Variants in CTNNBL1 observed in about 807,000 individuals in gnomAD.
CTNNBL1 encodes the protein beta-catenin-like protein 1.
CTNNBL1 carries 31 observed loss-of-function variants against 72.7 expected under a neutral mutation model. The ratio of observed to expected loss-of-function variants is 0.43; its 90% CI spans 0.32 to 0.58. The LOEUF is 0.58. Ranked by LOEUF, CTNNBL1 falls within the 20% of genes least tolerant of loss-of-function variation. CTNNBL1 has a pLI of 0.08. For missense variants in CTNNBL1, 534 were observed against 725.1 expected (o/e 0.74, Z 3.03); for synonymous variants, 240 against 267.3 (o/e 0.90, Z 1.00).
intron 13 of CTNNBL1, among the ~76,000 whole-genome samples, chr20:37,846,365 T>C (rs976278425): frequency 6.6e-6 from 1 of 151,720 alleles, no homozygotes; most frequent in Admixed American, 6.6e-5. Flanking sequence ...GCGTGGGCTT[T>C]ATAGCCAGGC....
At chr20:37,822,701 C>T (rs1381147017) in intron 11 of CTNNBL1, among the ~76,000 whole-genome samples, 2 of 152,222 alleles carry the variant, frequency 1.3e-5, no homozygotes, top group African/African-American at 4.8e-5. Flanking sequence ...CAAAGACTCT[C>T]TGGCTCTCAG....
chr20:37,798,944 C>T (rs1426371982), intron 10 of CTNNBL1, among the ~76,000 whole-genome samples: 1 of 152,124 alleles, frequency 6.6e-6, no homozygotes, highest in African/African-American at 2.4e-5. Context: ...TTTATAAATT[C>T]AAGCTTGTAA....
At chr20:37,741,947 A>G (rs997339175) in intron 3 of CTNNBL1, among the ~76,000 whole-genome samples, 4 of 151,754 alleles carry the variant, frequency 2.6e-5, no homozygotes, top group African/African-American at 9.7e-5. Context: ...GTTGGAAGGA[A>G]CTGAGAAGCA....
chr20:37,776,644 CT>C (rs2073576237), intron 7 of CTNNBL1, among the ~76,000 whole-genome samples: 1 of 152,138 alleles, frequency 6.6e-6, no homozygotes, highest in South Asian at 2.1e-4. Flanking sequence ...CGAAGCAACA[CT>C]GAGGACAGCC....
At chr20:37,778,947 T>C (rs2073600322) in intron 9 of CTNNBL1, among the ~76,000 whole-genome samples, 1 of 152,172 alleles carries the variant, frequency 6.6e-6, no homozygotes, top group Non-Finnish European at 1.5e-5. Flanking sequence ...TGCCTGGAAC[T>C]GTCAATTACT....
chr20:37,842,583 C>T (rs899604814), intron 13 of CTNNBL1, among the ~76,000 whole-genome samples, 164 bp downstream of exon 13: 2 of 152,182 alleles, frequency 1.3e-5, no homozygotes, highest in Non-Finnish European at 2.9e-5. Flanking sequence ...GACTGCTCTT[C>T]TGACACGAAT....
intron 11 of CTNNBL1, among the ~76,000 whole-genome samples, chr20:37,820,785 C>T (rs146979929): frequency 8.5e-5 from 13 of 152,282 alleles, no homozygotes; most frequent in Admixed American, 7.8e-4. Flanking sequence ...TCAGTTAAAC[C>T]TCCTTTCTTT....
chr20:37,846,148 A>G (rs1035192751), intron 13 of CTNNBL1, among the ~76,000 whole-genome samples: 13 of 151,580 alleles, frequency 8.6e-5, no homozygotes, highest in African/African-American at 3.2e-4. Context: ...GGATCCGGGG[A>G]GTGGGGAGAG....
chr20:37,717,620 T>C (rs1187729531), intron 1 of CTNNBL1, among the ~76,000 whole-genome samples: 1 of 152,010 alleles, frequency 6.6e-6, no homozygotes, highest in African/African-American at 2.4e-5. Context: ...CTTTTCTTTT[T>C]TTTTTTATTG....
intron 10 of CTNNBL1, among the ~76,000 whole-genome samples, chr20:37,792,307 T>C (rs1451053534): frequency 1.3e-5 from 2 of 152,152 alleles, no homozygotes; most frequent in East Asian, 3.9e-4. Context: ...GTATTTTTTT[T>C]CCCTCTCTTT....
Position 37,768,010 on chromosome 20 carries a change from A to G in CTNNBL1, c.716A>G (p.Gln239Arg). Reference protein sequence around the residue: ...RPEMCTEGAQQGLLQWLLKRL... With the variant: ...RPEMCTEGAQRGLLQWLLKRL... ...GAGATGTGTACAGAGGGTGCCCAGCAGGGTCTTCTACAGTGGCTGTTGAAG... is the reference window on the plus strand; with the variant it reads ...GAGATGTGTACAGAGGGTGCCCAGCGGGGTCTTCTACAGTGGCTGTTGAAG... The change falls in exon 7 of 16, where the codon CAG (glutamine) becomes CGG (arginine). Residue 239 changes from glutamine (Q) to arginine (R), a missense_variant. By Grantham distance (43) the Gln-to-Arg change is conservative. Transcript: ENST00000361383. The G allele has an allele frequency of 1.2e-6, 2 of 1,614,072 alleles. No homozygotes were observed. Among genetic ancestry groups the G allele is most frequent in the Non-Finnish European group, 1.7e-6 (2 of 1,179,970 alleles).
chr20:37,869,390 TC>T (rs2072564012), intron 15 of CTNNBL1, among the ~76,000 whole-genome samples: 1 of 152,230 alleles, frequency 6.6e-6, no homozygotes, highest in Non-Finnish European at 1.5e-5. Context: ...TAGAGAGTTC[TC>T]TCCATTTTCT....
intron 1 of CTNNBL1, among the ~76,000 whole-genome samples, chr20:37,717,291 G>A (rs1332313675): frequency 1.3e-5 from 2 of 152,248 alleles, no homozygotes; most frequent in Non-Finnish European, 2.9e-5. Context: ...GCTAGAGGCA[G>A]TATTCCACTG....
At chr20:37,760,833 A>G (rs2073410245) in intron 5 of CTNNBL1, among the ~76,000 whole-genome samples, 1 of 152,228 alleles carries the variant, frequency 6.6e-6, no homozygotes, top group Non-Finnish European at 1.5e-5. Context: ...TGTATGTATC[A>G]TCTACCACAC....
intron 10 of CTNNBL1, among the ~76,000 whole-genome samples, chr20:37,799,010 TA>T (rs1431308331): frequency 1.3e-5 from 2 of 152,224 alleles, no homozygotes; most frequent in Non-Finnish European, 2.9e-5. Context: ...TTCATCTTAA[TA>T]CAAAAAATCC....
At chr20:37,805,671 A>G (rs2071953624) in intron 11 of CTNNBL1, among the ~76,000 whole-genome samples, 1 of 152,106 alleles carries the variant, frequency 6.6e-6, no homozygotes, top group Admixed American at 6.5e-5. Flanking sequence ...TGCTGAGATT[A>G]TAGACAGGAA....
At chr20:37,867,593 G>C (rs2072546661) in intron 15 of CTNNBL1, among the ~76,000 whole-genome samples, 1 of 152,162 alleles carries the variant, frequency 6.6e-6, no homozygotes, top group Admixed American at 6.5e-5. Context: ...GAGTTGACGT[G>C]TATGCCGTCT....
chr20:37,747,054 G>A (rs2073271891), intron 4 of CTNNBL1, among the ~76,000 whole-genome samples: 4 of 152,144 alleles, frequency 2.6e-5, no homozygotes, highest in African/African-American at 9.7e-5. Context: ...AGGAGGACAG[G>A]GAAGCTGTTC....
chr20:37,843,747 A>G (rs899877730), intron 13 of CTNNBL1, among the ~76,000 whole-genome samples: 9 of 152,202 alleles, frequency 5.9e-5, no homozygotes, highest in African/African-American at 1.7e-4. Flanking sequence ...CACCTTGGCT[A>G]GTATCATTCA....
Sources: allele counts gnomAD v4.1 joint callset (sites outside exome capture counted in the v4.1 genomes callset), GRCh38; gene constraint gnomAD v4.1.1; transcripts MANE v1.5; gene names NCBI Gene and HGNC (gene_info 2026-07-23, HGNC 2026-07-21).